The following ATP9A variants were observed in gnomAD, a reference collection of about 807,000 sequenced individuals.
The protein encoded by ATP9A is probable phospholipid-transporting ATPase IIA.
In ATP9A, 52 loss-of-function variants were observed where a neutral mutation model predicts 144.1. That is an observed-to-expected ratio of 0.36 (90% CI 0.29 to 0.45). The LOEUF (loss-of-function observed/expected upper bound fraction) is 0.45. ATP9A is among the 20% of genes least tolerant of loss of function. ATP9A has a pLI of 1.00. For synonymous variants in ATP9A, 582 were observed against 557.4 expected, an observed-to-expected ratio of 1.04 and a Z score of -0.62; for missense variants, 947 against 1,392.7, an observed-to-expected ratio of 0.68 and a Z score of 5.09.
At chr20:51,727,775 A>G (rs1486139248) in intron 2 of ATP9A, among the ~76,000 whole-genome samples, 2 of 151,698 alleles carry the variant, frequency 1.3e-5, no homozygotes, top group African/African-American at 4.8e-5. Context: ...ACTAAAAAAT[A>G]AAAAAAGTAG....
rs749949040 is a variant in ATP9A at position 51,689,125 on chromosome 20, G to C, written c.738C>G (p.Pro246=). The change falls in exon 9 of 28, where the codon CCC becomes CCG. Residue 246 remains proline, a synonymous_variant. Coordinates refer to ENST00000338821, the MANE Select transcript of ATP9A (RefSeq NM_006045.3). ...CTATGCTCAGGCTCTCGCTGATCGG[G>C]GGGTCGCTGTCTTCCTGGAAAAGAC... ...VGTFTREDSD[P]PISESLSIEN... 35 of 1,613,818 alleles carry C rather than the reference G, an allele frequency of 2.2e-5. No homozygotes were observed. The highest frequency in any genetic ancestry group is 2.8e-5 in the Non-Finnish European group (33 of 1,180,002).
chr20:51,610,607 G>A (rs1037550367), intron 23 of ATP9A, among the ~76,000 whole-genome samples: 3 of 152,096 alleles, frequency 2.0e-5, no homozygotes, highest in Non-Finnish European at 4.4e-5. Context: ...TTACAGAAGG[G>A]GAGGCTGAGC....
intron 4 of ATP9A, among the ~76,000 whole-genome samples, chr20:51,708,012 G>A (rs766479945): frequency 4.6e-5 from 7 of 152,244 alleles, no homozygotes; most frequent in Non-Finnish European, 8.8e-5. Context: ...ACAGGCATGA[G>A]CCACTGTGCC....
intron 11 of ATP9A, among the ~76,000 whole-genome samples, chr20:51,672,898 C>G (rs1160021798): frequency 6.6e-6 from 1 of 152,012 alleles, no homozygotes; most frequent in African/African-American, 2.4e-5. Context: ...TTTGTAAAGG[C>G]AGATTTTAGT....
At chr20:51,679,225 G>A (rs2077490144) in intron 9 of ATP9A, among the ~76,000 whole-genome samples, 1 of 152,180 alleles carries the variant, frequency 6.6e-6, no homozygotes, top group African/African-American at 2.4e-5. Flanking sequence ...TTGGGAGACT[G>A]AGGCAGGAGA....
rs60163215 is a variant in ATP9A, at chr20:51,719,747, G to A, written c.327+6072C>T. 2.7e-3 allele frequency among the ~76,000 whole-genome samples: 190 copies of A among 70,174 alleles called. 3 individuals are homozygous for A. The highest frequency in any genetic ancestry group is 8.6e-3 in the African/African-American group (169 of 19,590). 46.0% of individuals were successfully genotyped at this position (70,174 alleles called of 152,430 possible). A position where few individuals can be genotyped will look rare whatever the true frequency, so the allele number is the denominator to read the frequency against. On this transcript the variant is annotated intron_variant, in intron 3 of 27. Coordinates refer to ENST00000338821, the MANE Select transcript of ATP9A (RefSeq NM_006045.3). Reference sequence around the variant, plus strand: ...ACTCTGTCTCAAAAAAAAAAAAAAGGGGGGGGAAGAAGAAACGGGCTGGGC... The same window carrying A: ...ACTCTGTCTCAAAAAAAAAAAAAAGAGGGGGGAAGAAGAAACGGGCTGGGC...
At chr20:51,655,657 C>T (rs560787411) in intron 14 of ATP9A, among the ~76,000 whole-genome samples, 2 of 152,192 alleles carry the variant, frequency 1.3e-5, no homozygotes, top group South Asian at 2.1e-4. Context: ...TGTGGAGAAA[C>T]GGAAACTGTC....
At chr20:51,722,647 C>A (rs577154539) in intron 3 of ATP9A, among the ~76,000 whole-genome samples, 1 of 152,284 alleles carries the variant, frequency 6.6e-6, no homozygotes, top group Admixed American at 6.5e-5. Context: ...AATGCGATAC[C>A]ACCTTACTCC....
chr20:51,601,408 T>C, intron 27 of ATP9A, 61 bp from the exon 28 acceptor site: 1 of 1,484,974 alleles, frequency 6.7e-7, no homozygotes, highest in South Asian at 1.4e-5. Context: ...GTGCATGGGG[T>C]CCAGAAACAG....
At chr20:51,753,157 GA>G (rs1189658142) in intron 1 of ATP9A, among the ~76,000 whole-genome samples, 2 of 152,028 alleles carry the variant, frequency 1.3e-5, no homozygotes, top group Non-Finnish European at 2.9e-5. Flanking sequence ...CTTGTAAAGT[GA>G]AAATAAAATA....
intron 13 of ATP9A, among the ~76,000 whole-genome samples, chr20:51,667,327 G>A (rs1033878562): frequency 2.0e-5 from 3 of 151,934 alleles, no homozygotes; most frequent in Admixed American, 1.3e-4. Flanking sequence ...AACTCCCACC[G>A]GATGTACACA....
At chr20:51,635,726 G>T (rs2077287903) in intron 15 of ATP9A, among the ~76,000 whole-genome samples, 1 of 149,538 alleles carries the variant, frequency 6.7e-6, no homozygotes, top group African/African-American at 2.5e-5. Context: ...AACAGAGCAA[G>T]ATGGACGGAA....
Position 51,674,273 on chromosome 20 carries a change from A to T in ATP9A, c.917T>A (p.Ile306Asn). The T allele has an allele frequency of 6.2e-7, 1 of 1,613,676 alleles. No individual in the cohort carries two copies. The highest frequency in any genetic ancestry group is 8.5e-7 in the Non-Finnish European group (1 of 1,179,952). ...GACCACCACCAGGGCACCAAAGAGG[A>T]TCTTGGTGAGGCAGTTCACTTCCAA... ...FDLEVNCLTKILFGALVVVSL... is the reference protein window; with the variant it reads ...FDLEVNCLTKNLFGALVVVSL... The change falls in exon 11 of 28, where the codon ATC becomes AAC. Residue 306 changes from isoleucine (I) to asparagine (N), a missense_variant. By Grantham distance (149) the Ile-to-Asn change is moderately radical. Coordinates refer to ENST00000338821, the MANE Select transcript of ATP9A (RefSeq NM_006045.3).
At chr20:51,608,392 G>T in intron 25 of ATP9A, 126 bp downstream of exon 25, 1 of 699,252 alleles carries the variant, frequency 1.4e-6, no homozygotes. Flanking sequence ...ACCAGTTCAA[G>T]TGTGTTCAAA....
intron 3 of ATP9A, among the ~76,000 whole-genome samples, chr20:51,718,139 G>A (rs1028049657): frequency 2.6e-5 from 4 of 152,272 alleles, no homozygotes. Context: ...TCACGCTTGA[G>A]ATATAAAAGG....
chr20:51,753,838 G>GT (rs2077844124), intron 1 of ATP9A, among the ~76,000 whole-genome samples: 1 of 149,544 alleles, frequency 6.7e-6, no homozygotes, highest in African/African-American at 2.5e-5. Context: ...AGCTAATTTT[G>GT]GTTTTTTTTT....
At position 51,644,453 on chromosome 20, in the gene ATP9A, A is replaced by G. The variant is rs1258133126; in HGVS notation, c.1507-4949T>C. On this transcript the variant is annotated intron_variant, in intron 14 of 27. Transcript: ENST00000338821. ...TAATTTTTTTTTTTTTTGTATTTTT[A>G]GTAGAGATGGGTTTCACCATGTTAG... is the stretch of plus-strand genomic sequence containing the variant. 3.4e-5 allele frequency among the ~76,000 whole-genome samples: 5 copies of G among 145,502 alleles called. 1 individual carries two copies. Among genetic ancestry groups the G allele is most frequent in the Admixed American group, 3.4e-4 (5 of 14,628 alleles).
chr20:51,682,679 C>A (rs1427342675), intron 9 of ATP9A, among the ~76,000 whole-genome samples: 3 of 142,482 alleles, frequency 2.1e-5, no homozygotes, highest in Non-Finnish European at 4.5e-5. Context: ...GCAACTTCTG[C>A]CTCCCAGGTT....
intron 1 of ATP9A, among the ~76,000 whole-genome samples, chr20:51,739,392 CCAGGCTGGAGTG>C (rs1168267608): frequency 6.7e-6 from 1 of 149,906 alleles, no homozygotes; most frequent in Non-Finnish European, 1.5e-5. Context: ...GCTCTGTCGC[CCAGGCTGGAGTG>C]CAGGTGACAC....
Sources: allele counts gnomAD v4.1 joint callset (sites outside exome capture counted in the v4.1 genomes callset), GRCh38; gene constraint gnomAD v4.1.1; transcripts MANE v1.5; gene names NCBI Gene and HGNC (gene_info 2026-07-23, HGNC 2026-07-21).